Variants in KIAA0232 observed in about 807,000 individuals in gnomAD.
KIAA0232 encodes the protein uncharacterized protein KIAA0232.
KIAA0232 carries 27 observed loss-of-function variants against 122.0 expected under a neutral mutation model. The observed-to-expected ratio is 0.22, with a 90% confidence interval of 0.16 to 0.31. The LOEUF (loss-of-function observed/expected upper bound fraction) is 0.31, where lower values mean the gene tolerates loss of function less well. KIAA0232 is among the 10% of genes least tolerant of loss of function. The pLI is 1.00. For synonymous variants in KIAA0232, 613 were observed against 587.6 expected (o/e 1.04, Z -0.63); for missense variants, 1,551 against 1,634.2 (o/e 0.95, Z 0.88).
chr4:6,814,478 C>T (rs1165362857), intron 2 of KIAA0232, among the ~76,000 whole-genome samples: 1 of 151,476 alleles, frequency 6.6e-6, no homozygotes, highest in East Asian at 1.9e-4. Flanking sequence ...CTATTAGTAA[C>T]AGAACTTGTA....
chr4:6,785,103 A>G (rs373419059), intron 1 of KIAA0232, among the ~76,000 whole-genome samples: 125 of 152,050 alleles, frequency 8.2e-4, no homozygotes, highest in African/African-American at 2.9e-3. Context: ...ACCCCCGGCT[A>G]ATTTTTTGCA....
intron 3 of KIAA0232, among the ~76,000 whole-genome samples, chr4:6,830,760 T>C (rs1368291755): frequency 2.0e-5 from 3 of 152,062 alleles, no homozygotes; most frequent in Non-Finnish European, 2.9e-5. Flanking sequence ...AAGCTCAGAC[T>C]TACACCCTTT....
At chr4:6,850,759 C>T (rs1354383977) in intron 4 of KIAA0232, among the ~76,000 whole-genome samples, 1 of 152,020 alleles carries the variant, frequency 6.6e-6, no homozygotes, top group East Asian at 1.9e-4. Context: ...CAGCCTCTGC[C>T]TCCTGGGTTC....
intron 1 of KIAA0232, among the ~76,000 whole-genome samples, chr4:6,792,020 ATCCATGTAAGAGGTGACTTTGCTCC>A (rs1180430082): frequency 2.0e-5 from 3 of 152,184 alleles, no homozygotes; most frequent in African/African-American, 7.2e-5. Context: ...GACTGTCACC[ATCCATGTAAGAGGTGACTTTGCTCC>A]TCCTTGCCTT....
chr4:6,843,068 A>G lies in KIAA0232; in HGVS notation c.369+864A>G, dbSNP rs939809529. ...TTAGAAAATATTACAATATTATTTT[A>G]TTCTTTTAGCATTTCATATAAAATA... On this transcript the variant is annotated intron_variant, in intron 4 of 9. Transcript: ENST00000307659. Among the ~76,000 whole-genome samples, 190 of 152,302 alleles carry G rather than the reference A, an allele frequency of 1.2e-3. 1 individual carries two copies. The highest frequency in any genetic ancestry group is 4.2e-3 in the African/African-American group (176 of 41,578).
chr4:6,873,421 A>G (rs1721599046), intron 8 of KIAA0232, among the ~76,000 whole-genome samples: 1 of 152,224 alleles, frequency 6.6e-6, no homozygotes, highest in Non-Finnish European at 1.5e-5. Context: ...ACACAGACAC[A>G]GTTAATGGAA....
At chr4:6,825,100 A>G (rs961455842) in intron 3 of KIAA0232, among the ~76,000 whole-genome samples, 2 of 152,212 alleles carry the variant, frequency 1.3e-5, no homozygotes, top group African/African-American at 4.8e-5. Flanking sequence ...ATTGTATTTT[A>G]TCTGCAAGAA....
At chr4:6,876,092 A>G (rs1721734061) in intron 8 of KIAA0232, among the ~76,000 whole-genome samples, 1 of 152,022 alleles carries the variant, frequency 6.6e-6, no homozygotes, top group Non-Finnish European at 1.5e-5. Context: ...TTGTGGGGCC[A>G]TTTGCCTGAT....
chr4:6,858,643 T>C, intron 6 of KIAA0232, 137 bp downstream of exon 6: 1 of 570,908 alleles, frequency 1.8e-6, no homozygotes, highest in Non-Finnish European at 3.1e-6. Flanking sequence ...ATCGAGCGCT[T>C]ATATGCTTGA....
At chr4:6,844,580 C>T (rs1461425983) in intron 4 of KIAA0232, among the ~76,000 whole-genome samples, 1 of 152,096 alleles carries the variant, frequency 6.6e-6, no homozygotes, top group South Asian at 2.1e-4. Flanking sequence ...GGATTGCAGG[C>T]ATCCGCCACC....
chr4:6,790,380 A>T (rs1171826642), intron 1 of KIAA0232, among the ~76,000 whole-genome samples: 16 of 140,216 alleles, frequency 1.1e-4, no homozygotes, highest in East Asian at 2.1e-4. Flanking sequence ...TTTTTTTTTA[A>T]TTAAAAAAGG....
intron 2 of KIAA0232, among the ~76,000 whole-genome samples, chr4:6,808,759 T>C (rs1037148512): frequency 2.6e-5 from 4 of 152,144 alleles, no homozygotes; most frequent in Non-Finnish European, 5.9e-5. Flanking sequence ...GCTAGTATTA[T>C]GAATATCATT....
At position 6,861,647 on chromosome 4, in the gene KIAA0232, C is replaced by T; in HGVS notation, c.1265C>T (p.Thr422Ile). 1 of 1,614,030 alleles carries T rather than the reference C, an allele frequency of 6.2e-7. No homozygotes were observed. Among genetic ancestry groups the T allele is most frequent in the Admixed American group, 1.7e-5 (1 of 60,008 alleles). ...VPLSRKSKLETTYRNRQDTSD... is the reference protein window; with the variant it reads ...VPLSRKSKLEITYRNRQDTSD... ...CTGAGCAGAAAAAGTAAACTAGAGA[C>T]CACATACCGAAACAGACAGGATACA... Residue 422 changes from threonine to isoleucine, a missense_variant, in exon 7 of 10, where the codon ACC (threonine) becomes ATC (isoleucine). Around this residue, in one of 5 missense-constraint regions of KIAA0232, gnomAD observed 1,108 missense variants for 1,154.8 expected, o/e 0.96. Coordinates refer to ENST00000307659, the MANE Select transcript of KIAA0232 (RefSeq NM_014743.3).
intron 3 of KIAA0232, among the ~76,000 whole-genome samples, chr4:6,839,663 G>T (rs546891571): frequency 2.0e-5 from 3 of 152,186 alleles, no homozygotes; most frequent in East Asian, 1.9e-4. Context: ...TGCTGAGGAG[G>T]GGGTAGTCGA....
At chr4:6,784,014 C>T (rs1716493091) in intron 1 of KIAA0232, among the ~76,000 whole-genome samples, 1 of 152,052 alleles carries the variant, frequency 6.6e-6, no homozygotes, top group African/African-American at 2.4e-5. Context: ...TGGTACAGAC[C>T]CCTAAATCAT....
intron 2 of KIAA0232, among the ~76,000 whole-genome samples, chr4:6,810,926 A>G (rs1303711041): frequency 1.3e-5 from 2 of 152,092 alleles, no homozygotes; most frequent in African/African-American, 4.8e-5. Context: ...AAAAGACAAA[A>G]CAACAACAAC....
At chr4:6,809,847 C>G (rs1252626419) in intron 2 of KIAA0232, among the ~76,000 whole-genome samples, 1 of 151,900 alleles carries the variant, frequency 6.6e-6, no homozygotes, top group African/African-American at 2.4e-5. Context: ...TATAAAAAAA[C>G]AAGGTACCTA....
At chr4:6,812,415 G>A (rs1717919588) in intron 2 of KIAA0232, among the ~76,000 whole-genome samples, 1 of 152,092 alleles carries the variant, frequency 6.6e-6, no homozygotes, top group South Asian at 2.1e-4. Flanking sequence ...GTCTTAGAAC[G>A]CCATGGGGGT....
At position 6,856,632 on chromosome 4, in the gene KIAA0232, T is replaced by C. The variant is rs115469871; in HGVS notation, c.370-532T>C. Among the ~76,000 whole-genome samples the C allele has an allele frequency of 9.8e-3, 1,496 of 152,226 alleles. 12 individuals are homozygous for C. Among genetic ancestry groups the C allele is most frequent in the Non-Finnish European group, 0.014 (965 of 68,022 alleles). ...TTTCACATTTGCAATATTGGCTTCA[T>C]TTTCTGGACTTCTGTTGTTTTAATC... On this transcript the variant is annotated intron_variant, in intron 4 of 9. Transcript: ENST00000307659.
Sources: allele counts gnomAD v4.1 joint callset (sites outside exome capture counted in the v4.1 genomes callset), GRCh38; gene constraint gnomAD v4.1.1; regional missense constraint gnomAD v4.1.1; transcripts MANE v1.5; gene names NCBI Gene and HGNC (gene_info 2026-07-23, HGNC 2026-07-21).